HS3ST4: variants seen among roughly 807,000 people sequenced by gnomAD.
HS3ST4 encodes the protein heparan sulfate glucosamine 3-O-sulfotransferase 4.
HS3ST4 carries 17 observed loss-of-function variants against 29.2 expected under a neutral mutation model. That is an observed-to-expected ratio of 0.58 (90% CI 0.40 to 0.87). The LOEUF is 0.87. HS3ST4 is among the 40% of genes least tolerant of loss of function. The probability of loss-of-function intolerance (pLI) is 0.00; values close to 1 mark genes in which losing one functional copy is unlikely to be tolerated. For missense variants in HS3ST4, 627 were observed against 634.5 expected, an observed-to-expected ratio of 0.99 and a Z score of 0.13; for synonymous variants, 314 against 285.7, an observed-to-expected ratio of 1.10 and a Z score of -1.00.
intron 1 of HS3ST4, among the ~76,000 whole-genome samples, chr16:26,018,590 A>G (rs1167248902): frequency 6.6e-6 from 1 of 152,164 alleles, no homozygotes; most frequent in African/African-American, 2.4e-5. Context: ...CAGAGAGGCT[A>G]TGAGATTTTT....
chr16:25,734,031 C>G (rs927422424), intron 1 of HS3ST4, among the ~76,000 whole-genome samples: 2 of 152,166 alleles, frequency 1.3e-5, no homozygotes, highest in Non-Finnish European at 2.9e-5. Context: ...GCAGAAGAAT[C>G]GCTTGAACCC....
intron 1 of HS3ST4, among the ~76,000 whole-genome samples, chr16:26,111,300 C>A (rs1454746009): frequency 6.6e-6 from 1 of 151,968 alleles, no homozygotes; most frequent in African/African-American, 2.4e-5. Context: ...TTCTTAAACT[C>A]CTGGCCTCAA....
intron 1 of HS3ST4, among the ~76,000 whole-genome samples, chr16:25,705,012 AC>A (rs1250250853): frequency 6.6e-6 from 1 of 152,040 alleles, no homozygotes; most frequent in African/African-American, 2.4e-5. Flanking sequence ...GAGCCACCGC[AC>A]CCGGCCCTGG....
At chr16:25,754,084 T>C (rs186450194) in intron 1 of HS3ST4, among the ~76,000 whole-genome samples, 1 of 152,316 alleles carries the variant, frequency 6.6e-6, no homozygotes, top group East Asian at 1.9e-4. Flanking sequence ...AAGACTTTTC[T>C]GAGGAAGTTT....
intron 1 of HS3ST4, among the ~76,000 whole-genome samples, chr16:25,867,326 C>T (rs747644641): frequency 2.6e-5 from 4 of 152,166 alleles, no homozygotes; most frequent in South Asian, 4.2e-4. Context: ...GTTAAAACCC[C>T]GCTGATAGGA....
At chr16:25,725,233 G>A (rs1035393642) in intron 1 of HS3ST4, among the ~76,000 whole-genome samples, 11 of 151,998 alleles carry the variant, frequency 7.2e-5, no homozygotes, top group African/African-American at 2.7e-4. Context: ...AGGATGGAAT[G>A]GCTTCCTGGT....
At chr16:26,012,153 G>A (rs1969316702) in intron 1 of HS3ST4, among the ~76,000 whole-genome samples, 1 of 152,214 alleles carries the variant, frequency 6.6e-6, no homozygotes, top group African/African-American at 2.4e-5. Flanking sequence ...GCAGGGTGTG[G>A]TTTGCAGGCG....
At chr16:25,919,314 G>A (rs1025356237) in intron 1 of HS3ST4, among the ~76,000 whole-genome samples, 1 of 152,154 alleles carries the variant, frequency 6.6e-6, no homozygotes, top group Non-Finnish European at 1.5e-5. Flanking sequence ...ACAGGTGAGA[G>A]CCACTGCACT....
chr16:25,730,081 A>G (rs920742393), intron 1 of HS3ST4, among the ~76,000 whole-genome samples: 3 of 152,218 alleles, frequency 2.0e-5, no homozygotes, highest in African/African-American at 7.2e-5. Context: ...CAAAGAAGGA[A>G]TAGTTATTAC....
At chr16:25,904,187 G>T (rs1968156916) in intron 1 of HS3ST4, among the ~76,000 whole-genome samples, 1 of 151,356 alleles carries the variant, frequency 6.6e-6, no homozygotes, top group Non-Finnish European at 1.5e-5. Context: ...TGGATGGACG[G>T]ATGGACAGAT....
At chr16:25,788,559 T>TTC (rs1966861525) in intron 1 of HS3ST4, among the ~76,000 whole-genome samples, 1 of 147,526 alleles carries the variant, frequency 6.8e-6, no homozygotes, top group Non-Finnish European at 1.5e-5. Context: ...TTTTTTTTTT[T>TTC]TGACAGGGTC....
intron 1 of HS3ST4, among the ~76,000 whole-genome samples, chr16:25,871,043 G>C (rs568052657): frequency 6.6e-6 from 1 of 152,152 alleles, no homozygotes; most frequent in Non-Finnish European, 1.5e-5. Context: ...GAATACATTG[G>C]GTAGAATACA....
At chr16:25,872,967 T>C (rs1461904419) in intron 1 of HS3ST4, among the ~76,000 whole-genome samples, 3 of 152,178 alleles carry the variant, frequency 2.0e-5, no homozygotes, top group Non-Finnish European at 4.4e-5. Flanking sequence ...TCTCATGTAA[T>C]CTCAGTTGAA....
At chr16:25,795,945 T>C (rs1311368002) in intron 1 of HS3ST4, among the ~76,000 whole-genome samples, 2 of 121,362 alleles carry the variant, frequency 1.6e-5, no homozygotes, top group Non-Finnish European at 3.2e-5. Flanking sequence ...GTCAAAACTC[T>C]TTTTTTTTTA....
intron 1 of HS3ST4, among the ~76,000 whole-genome samples, chr16:25,872,995 C>G (rs1222444320): frequency 3.9e-5 from 6 of 152,156 alleles, no homozygotes; most frequent in African/African-American, 1.4e-4. Flanking sequence ...GCTTTGCCCA[C>G]TTCTGCCCTG....
chr16:25,856,775 A>G (rs183081711), intron 1 of HS3ST4, among the ~76,000 whole-genome samples: 2 of 152,322 alleles, frequency 1.3e-5, no homozygotes, highest in Non-Finnish European at 2.9e-5. Flanking sequence ...TTCAACCCCC[A>G]TGCCTTACCT....
intron 1 of HS3ST4, among the ~76,000 whole-genome samples, chr16:25,695,300 G>T (rs1354981685): frequency 6.6e-6 from 1 of 152,184 alleles, no homozygotes; most frequent in Non-Finnish European, 1.5e-5. Context: ...TAGTCCAGGG[G>T]TGCTGATTGA....
chr16:25,961,881 C>A (rs751786091), intron 1 of HS3ST4, among the ~76,000 whole-genome samples: 34 of 152,092 alleles, frequency 2.2e-4, no homozygotes, highest in Non-Finnish European at 4.6e-4. Flanking sequence ...TGTGATTAAC[C>A]TCTATTTTAT....
chr16:25,901,835 A>T lies in HS3ST4; in HGVS notation c.734+208684A>T, dbSNP rs190193509. 6.0e-4 allele frequency among the ~76,000 whole-genome samples: 91 copies of T among 152,066 alleles called. 1 individual carries two copies. Among genetic ancestry groups the T allele is most frequent in the African/African-American group, 2.1e-3 (87 of 41,478 alleles). ...TCTCACCACTCCTTTCATTTTTTCC[A>T]TTACAGAATTCTCCCAAAAAACTGG... On this transcript the variant is annotated intron_variant, in intron 1 of 1. Transcript: ENST00000331351.
Sources: allele counts gnomAD v4.1 joint callset (sites outside exome capture counted in the v4.1 genomes callset), GRCh38; gene constraint gnomAD v4.1.1; transcripts MANE v1.5; gene names NCBI Gene and HGNC (gene_info 2026-07-23, HGNC 2026-07-21).